CRLF2: variants seen among roughly 807,000 people sequenced by gnomAD.
CRLF2 encodes the protein cytokine receptor like factor 2, also known as cytokine receptor-like factor 2.
Under a neutral mutation model 38.7 loss-of-function variants are expected in CRLF2, and 41 were observed. That is an observed-to-expected ratio of 1.06 (90% CI 0.83 to 1.37). CRLF2 has a LOEUF of 1.37. CRLF2 is among the 40% of genes most tolerant of loss of function. CRLF2 has a pLI of 0.00. For synonymous variants in CRLF2, 140 were observed against 128.8 expected (o/e 1.09, Z -0.59); for missense variants, 377 against 322.2 (o/e 1.17, Z -1.30).
intron 7 of CRLF2, among the ~76,000 whole-genome samples, chrX:1,192,708 T>C (rs1230897068): frequency 2.5e-4 from 28 of 110,102 alleles, no homozygotes; most frequent in Middle Eastern, 7.8e-3. Context: ...TTTTCTTTTC[T>C]TTTCTTTCTT....
intron 7 of CRLF2, among the ~76,000 whole-genome samples, chrX:1,191,884 C>A (rs2086386943): frequency 6.6e-6 from 1 of 151,932 alleles, no homozygotes; most frequent in African/African-American, 2.4e-5. Flanking sequence ...TCCAGTCAGC[C>A]AAGGTGATTC....
At position 1,206,518 on chromosome X, in the gene CRLF2, T is replaced by C. The variant is rs1333357789; in HGVS notation, c.264A>G (p.Ala88=). Residue 88 remains alanine, a synonymous_variant, in exon 3 of 8, where the codon GCA becomes GCG. Transcript: ENST00000400841. The part of the protein sequence containing the change: ...EGHTSGCLLD[A]EQRDDILYFS... ...AATAGAGAATGTCGTCTCGCTGCTC[T>C]GCGTCTAGGAGGCACCCCGAAGTGT... 1 of 1,613,662 alleles carries C rather than the reference T, an allele frequency of 6.2e-7. No individual in the cohort carries two copies. Among genetic ancestry groups the C allele is most frequent in the South Asian group, 1.1e-5 (1 of 91,064 alleles).
chrX:1,200,712 T>C (rs2086589652), intron 4 of CRLF2, among the ~76,000 whole-genome samples: 1 of 149,722 alleles, frequency 6.7e-6, no homozygotes, highest in Non-Finnish European at 1.5e-5. Context: ...GTATATAAGA[T>C]GTGTATATAC....
Position 1,196,794 on chromosome X carries a change from T to C in CRLF2, c.753A>G (p.Leu251=). ...LLMVSLLLLS[L]WKLWRVKKFL... Reference sequence around the variant, plus strand: ...GTCATCCTTACCTCCATAATTTCCATAAAGACAGAAGGAGGAGAGACACCA... The same window carrying C: ...GTCATCCTTACCTCCATAATTTCCACAAAGACAGAAGGAGGAGAGACACCA... The change falls in exon 6 of 8, where the codon TTA becomes TTG. Residue 251 remains leucine (L), a synonymous_variant. Coordinates refer to ENST00000400841, the MANE Select transcript of CRLF2 (RefSeq NM_022148.4). 1 of 1,613,340 alleles carries C rather than the reference T, an allele frequency of 6.2e-7. No individual in the cohort carries two copies. Among genetic ancestry groups the C allele is most frequent in the Non-Finnish European group, 8.5e-7 (1 of 1,179,570 alleles).
intron 3 of CRLF2, among the ~76,000 whole-genome samples, chrX:1,204,115 G>C (rs1330056971): frequency 2.7e-5 from 2 of 74,626 alleles, no homozygotes; most frequent in Non-Finnish European, 6.1e-5. Context: ...CATCCAGTGA[G>C]TGGGATGAGG....
intron 1 of CRLF2, among the ~76,000 whole-genome samples, chrX:1,209,317 T>C (rs1275430012): frequency 1.3e-5 from 2 of 149,846 alleles, no homozygotes; most frequent in African/African-American, 4.9e-5. Flanking sequence ...TAGTGTAGTG[T>C]AGTGTAGTGT....
intron 1 of CRLF2, among the ~76,000 whole-genome samples, chrX:1,209,273 A>G (rs1872690593): frequency 7.3e-6 from 1 of 137,132 alleles, no homozygotes; most frequent in Non-Finnish European, 1.6e-5. Context: ...GACGTATTGT[A>G]TTGCATTGTA....
chrX:1,193,427 G>A, intron 6 of CRLF2, 125 bp from the exon 7 acceptor site: 1 of 396,250 alleles, frequency 2.5e-6, no homozygotes. Flanking sequence ...CCTTCCACAT[G>A]GACACATGTG....
intron 7 of CRLF2, among the ~76,000 whole-genome samples, 178 bp from the exon 8 acceptor site, chrX:1,191,338 T>TTTCTTTCC (rs1232130583): frequency 9.0e-6 from 1 of 111,598 alleles, no homozygotes; most frequent in Non-Finnish European, 1.9e-5. Flanking sequence ...TCTTTCTTTC[T>TTTCTTTCC]TTCTTTCCTT....
intron 7 of CRLF2, 135 bp from the exon 8 acceptor site, chrX:1,191,295 C>CTCTT (rs1237998931): frequency 0.054 from 17,709 of 327,672 alleles, 1,187 homozygotes; most frequent in African/African-American, 0.091. Context: ...CTTTTCTTTT[C>CTCTT]TCTTTCTTTC....
At chrX:1,205,875 C>T (rs2086682193) in intron 3 of CRLF2, among the ~76,000 whole-genome samples, 1 of 147,690 alleles carries the variant, frequency 6.8e-6, no homozygotes, top group African/African-American at 2.5e-5. Context: ...GAAGGAAGTA[C>T]GAAAAGCATG....
intron 5 of CRLF2, among the ~76,000 whole-genome samples, chrX:1,197,161 C>G (rs1458905472): frequency 6.9e-6 from 1 of 144,860 alleles, no homozygotes; most frequent in Non-Finnish European, 1.5e-5. Context: ...GGCTCCATCT[C>G]AGCTCACTGC....
intron 1 of CRLF2, among the ~76,000 whole-genome samples, chrX:1,210,100 T>G (rs2086767799): frequency 2.5e-5 from 1 of 40,120 alleles, no homozygotes; most frequent in Admixed American, 2.9e-4. Context: ...CAAGACTCCC[T>G]ATCAAAAAAA....
At chrX:1,201,314 GTGCC>G (rs2086601098) in intron 4 of CRLF2, among the ~76,000 whole-genome samples, 1 of 135,364 alleles carries the variant, frequency 7.4e-6, no homozygotes, top group African/African-American at 2.9e-5. Flanking sequence ...ATGTCTGTGT[GTGCC>G]TGTGTGCCTG....
intron 3 of CRLF2, among the ~76,000 whole-genome samples, chrX:1,204,383 C>A (rs2086658104): frequency 6.6e-6 from 1 of 151,812 alleles, no homozygotes. Flanking sequence ...CATGCACCAC[C>A]AAGCCCGGCT....
At chrX:1,202,722 G>C (rs1456587100) in intron 3 of CRLF2, among the ~76,000 whole-genome samples, 187 bp from the exon 4 acceptor site, 10 of 152,168 alleles carry the variant, frequency 6.6e-5, no homozygotes, top group Non-Finnish European at 1.2e-4. Flanking sequence ...CTGTAGGTTT[G>C]TGAAGGAAGG....
At chrX:1,206,103 T>TTTTCA (rs2086686706) in intron 3 of CRLF2, among the ~76,000 whole-genome samples, 1 of 152,206 alleles carries the variant, frequency 6.6e-6, no homozygotes, top group South Asian at 2.1e-4. Context: ...CTGAGCTTGC[T>TTTTCA]TTTCAATTAT....
chrX:1,195,042 CATAAATAAATAT>C (rs2086453221), intron 6 of CRLF2, among the ~76,000 whole-genome samples: 1 of 150,364 alleles, frequency 6.7e-6, no homozygotes, highest in East Asian at 2.0e-4. Flanking sequence ...AAAATAAATA[CATAAATAAATAT>C]ATAAGAAAAT....
chrX:1,200,319 G>T (rs111162394), intron 4 of CRLF2, among the ~76,000 whole-genome samples: 1 of 146,344 alleles, frequency 6.8e-6, no homozygotes, highest in Non-Finnish European at 1.5e-5. Flanking sequence ...GCACATATGT[G>T]TGTATATATA....
Sources: gnomAD v4.1 joint callset for allele counts (sites outside exome capture counted in the v4.1 genomes callset) on GRCh38, gnomAD v4.1.1 for gene constraint, MANE v1.5 for transcripts, NCBI Gene and HGNC (gene_info 2026-07-23, HGNC 2026-07-21) for gene names.